LEMD1: variants seen among roughly 807,000 people sequenced by gnomAD.
LEMD1 encodes the protein LEM domain containing 1, also known as LEM domain-containing protein 1.
Under a neutral mutation model 17.4 loss-of-function variants are expected in LEMD1, and 18 were observed. The observed-to-expected ratio is 1.04, with a 90% CI of 0.72 to 1.54. The LOEUF (loss-of-function observed/expected upper bound fraction) is 1.54. Among genes scored for constraint, LEMD1 ranks in the 40% most tolerant of loss-of-function variants. LEMD1 has a pLI of 0.00. For synonymous variants in LEMD1, 88 were observed against 77.8 expected (o/e 1.13, Z -0.69); for missense variants, 195 against 210.4 (o/e 0.93, Z 0.45).
At chr1:205,390,897 C>A (rs971276920) in intron 4 of LEMD1, among the ~76,000 whole-genome samples, 1 of 152,020 alleles carries the variant, frequency 6.6e-6, no homozygotes, top group Non-Finnish European at 1.5e-5. Flanking sequence ...AAGATGGGAA[C>A]AATAAGCAGG....
chr1:205,431,957 C>T (rs1558740621), intron 1 of LEMD1, among the ~76,000 whole-genome samples: 2 of 152,136 alleles, frequency 1.3e-5, no homozygotes, highest in African/African-American at 4.8e-5. Context: ...CCTCGTGGTC[C>T]ACCCACCTCG....
At chr1:205,391,984 A>T (rs1452471244) in intron 4 of LEMD1, among the ~76,000 whole-genome samples, 1 of 149,496 alleles carries the variant, frequency 6.7e-6, no homozygotes, top group Non-Finnish European at 1.5e-5. Context: ...AGTGGCAGGC[A>T]CCTGTAATCC....
intron 4 of LEMD1, among the ~76,000 whole-genome samples, chr1:205,412,141 C>T (rs1665481775): frequency 2.6e-5 from 4 of 152,184 alleles, no homozygotes; most frequent in Non-Finnish European, 4.4e-5. Flanking sequence ...CCACCTTACT[C>T]AAAGCCCATT....
At chr1:205,432,649 G>C (rs1024031939) in intron 1 of LEMD1, among the ~76,000 whole-genome samples, 1 of 152,190 alleles carries the variant, frequency 6.6e-6, no homozygotes, top group Non-Finnish European at 1.5e-5. Flanking sequence ...AGCTCTGTCC[G>C]TGCGTACATA....
chr1:205,439,252 G>A (rs898449882), intron 1 of LEMD1, among the ~76,000 whole-genome samples: 2 of 152,202 alleles, frequency 1.3e-5, no homozygotes, highest in African/African-American at 4.8e-5. Flanking sequence ...GCTGAATCTT[G>A]CTGTTCCCTT....
chr1:205,404,525 C>G (rs576948223), intron 4 of LEMD1, among the ~76,000 whole-genome samples: 163 of 152,132 alleles, frequency 1.1e-3, no homozygotes, highest in African/African-American at 3.8e-3. Flanking sequence ...GATTGCAACC[C>G]CTGCCTTTTT....
At chr1:205,443,656 G>T (rs1427597834) in intron 1 of LEMD1, among the ~76,000 whole-genome samples, 1 of 152,142 alleles carries the variant, frequency 6.6e-6, no homozygotes, top group East Asian at 1.9e-4. Flanking sequence ...TCAGATCTTT[G>T]CTCTAAAGTG....
At chr1:205,389,033 C>CTTTT (rs1278093645) in intron 4 of LEMD1, among the ~76,000 whole-genome samples, 23 of 77,114 alleles carry the variant, frequency 3.0e-4, no homozygotes, top group Middle Eastern at 8.8e-3. Flanking sequence ...AGTACATTTG[C>CTTTT]TTTCTTTTTT....
intron 4 of LEMD1, among the ~76,000 whole-genome samples, chr1:205,394,070 A>T (rs1443735588): frequency 2.0e-5 from 3 of 152,174 alleles, no homozygotes; most frequent in Non-Finnish European, 4.4e-5. Flanking sequence ...ACATAGATGA[A>T]CCTCAAAAAC....
chr1:205,424,161 C>A (rs564557911), upstream of LEMD1, among the ~76,000 whole-genome samples: 1 of 152,272 alleles, frequency 6.6e-6, no homozygotes, highest in African/African-American at 2.4e-5. Context: ...TAACCATTTG[C>A]AAAAGGAGAA....
intron 5 of LEMD1, among the ~76,000 whole-genome samples, chr1:205,383,383 CT>C (rs1239850175): frequency 2.0e-4 from 31 of 152,206 alleles, no homozygotes; most frequent in Non-Finnish European, 1.3e-4. Context: ...GCATGAGCCA[CT>C]GTGCCCAGCC....
Position 205,402,083 on chromosome 1 carries a change from T to C in LEMD1, c.270+14149A>G, listed in dbSNP as rs1244928486. 5.3e-5 allele frequency among the ~76,000 whole-genome samples: 8 copies of C among 152,250 alleles called. No homozygotes were observed. In the East Asian group the frequency reaches 1.5e-3, roughly 29 times the overall value. ...CTATATCTCTGTTTTGGTACCAGTA[T>C]CATGCTGTTTTGGTTACTGTAGCCT... On this transcript the variant is annotated intron_variant, in intron 4 of 5. Coordinates refer to ENST00000367153, the MANE Select transcript of LEMD1 (RefSeq NM_001199050.2).
chr1:205,384,646 CA>C (rs2102333919), intron 4 of LEMD1, among the ~76,000 whole-genome samples: 1 of 152,332 alleles, frequency 6.6e-6, no homozygotes, highest in East Asian at 1.9e-4. Flanking sequence ...TCTTAAATAT[CA>C]GCTCTATTTT....
intron 5 of LEMD1, among the ~76,000 whole-genome samples, chr1:205,383,166 G>A (rs2102329363): frequency 6.6e-6 from 1 of 152,210 alleles, no homozygotes; most frequent in Middle Eastern, 3.4e-3. Context: ...ATAGCTCACT[G>A]CATTGCAGCC....
At chr1:205,395,377 C>T (rs1196055816) in intron 4 of LEMD1, among the ~76,000 whole-genome samples, 1 of 151,924 alleles carries the variant, frequency 6.6e-6, no homozygotes, top group Non-Finnish European at 1.5e-5. Context: ...GGCGGATCAT[C>T]TGAGGTTGGG....
intron 4 of LEMD1, among the ~76,000 whole-genome samples, chr1:205,393,653 G>C (rs1169327130): frequency 6.8e-6 from 1 of 147,124 alleles, no homozygotes; most frequent in Non-Finnish European, 1.5e-5. Flanking sequence ...TCCAGACTGG[G>C]TGACAGAGAG....
chr1:205,403,792 T>A (rs1664962451), intron 4 of LEMD1, among the ~76,000 whole-genome samples: 1 of 152,162 alleles, frequency 6.6e-6, no homozygotes, highest in Non-Finnish European at 1.5e-5. Flanking sequence ...AATTGTGATG[T>A]TAGGGTGTCA....
intron 1 of LEMD1, among the ~76,000 whole-genome samples, chr1:205,432,988 G>A (rs1443532213): frequency 6.6e-6 from 1 of 152,180 alleles, no homozygotes; most frequent in Non-Finnish European, 1.5e-5. Flanking sequence ...TCCAGCCTGG[G>A]CAACAGAGCA....
At position 205,384,332 on chromosome 1, in the gene LEMD1, A is replaced by T; in HGVS notation, c.303T>A (p.Ala101=). 6.6e-7 allele frequency: 1 copy of T among 1,526,696 alleles called. No individual in the cohort carries two copies. Among genetic ancestry groups the T allele is most frequent in the African/African-American group, 1.4e-5 (1 of 71,852 alleles). 94.6% of individuals were successfully genotyped at this position (1,526,696 alleles called of 1,614,324 possible). Residue 101 remains alanine (A), a synonymous_variant, in exon 5 of 6, where the codon GCT becomes GCA. Transcript: ENST00000367153. The part of the protein sequence containing the change: ...WPEASTTKRK[A]VDTYCLDYKP... ...TATAATCCAAGCAATAGGTATCTAC[A>T]GCTTTGCGTTTAGTGGTGGAAGCCT...
Sources: gnomAD v4.1 joint callset for allele counts (sites outside exome capture counted in the v4.1 genomes callset) on GRCh38, gnomAD v4.1.1 for gene constraint, MANE v1.5 for transcripts, NCBI Gene and HGNC (gene_info 2026-07-23, HGNC 2026-07-21) for gene names.